Variants in SORCS3 observed in about 807,000 individuals in gnomAD.
SORCS3 encodes the protein VPS10 domain-containing receptor SorCS3.
In SORCS3, 57 loss-of-function variants were observed where a neutral mutation model predicts 146.3. That is an observed-to-expected ratio of 0.39 (90% CI 0.31 to 0.49). SORCS3 has a LOEUF of 0.49. SORCS3 is among the 20% of genes least tolerant of loss of function. SORCS3 has a pLI of 0.92. For synonymous variants in SORCS3, 653 were observed against 618.5 expected, an observed-to-expected ratio of 1.06 and a Z score of -0.83; for missense variants, 1,341 against 1,575.5, an observed-to-expected ratio of 0.85 and a Z score of 2.52.
intron 1 of SORCS3, among the ~76,000 whole-genome samples, chr10:104,661,450 G>T (rs1489917364): frequency 2.0e-5 from 3 of 152,076 alleles, no homozygotes; most frequent in Non-Finnish European, 4.4e-5. Flanking sequence ...CAAATTATCT[G>T]CTCCTTGACC....
chr10:104,963,063 T>C lies in SORCS3; in HGVS notation c.796-14272T>C, dbSNP rs542750858. ...GAATGGCTTTAGCTCACTTTAGTCA[T>C]TATCCTATCAAATATAGTCATTATT... On this transcript the variant is annotated intron_variant, in intron 3 of 26. Coordinates refer to ENST00000369701, the MANE Select transcript of SORCS3 (RefSeq NM_014978.3). Among the ~76,000 whole-genome samples the C allele has an allele frequency of 1.9e-3, 282 of 152,358 alleles. 2 individuals carry two copies. The highest frequency in any genetic ancestry group is 6.4e-3 in the African/African-American group (265 of 41,586).
intron 4 of SORCS3, among the ~76,000 whole-genome samples, chr10:104,979,712 T>A (rs967643099): frequency 2.6e-5 from 4 of 152,174 alleles, no homozygotes; most frequent in Non-Finnish European, 4.4e-5. Flanking sequence ...CACATGACAT[T>A]TGCAGAGGAA....
chr10:105,046,748 C>T (rs545545525), intron 5 of SORCS3, among the ~76,000 whole-genome samples: 1 of 152,062 alleles, frequency 6.6e-6, no homozygotes, highest in Non-Finnish European at 1.5e-5. Context: ...AGGAATCTTA[C>T]ACCGTGGAGT....
intron 1 of SORCS3, among the ~76,000 whole-genome samples, chr10:104,823,717 T>C (rs2017901901): frequency 6.6e-6 from 1 of 152,196 alleles, no homozygotes; most frequent in Admixed American, 6.5e-5. Context: ...GTTGGCAGAA[T>C]AGTGGCCTCC....
chr10:104,841,505 A>G (rs1456688620), intron 1 of SORCS3, among the ~76,000 whole-genome samples: 1 of 152,256 alleles, frequency 6.6e-6, no homozygotes, highest in African/African-American at 2.4e-5. Context: ...TTGGCACATA[A>G]TGGATCATAT....
At chr10:105,040,091 A>C (rs895811678) in intron 4 of SORCS3, among the ~76,000 whole-genome samples, 2 of 152,296 alleles carry the variant, frequency 1.3e-5, no homozygotes, top group South Asian at 4.1e-4. Context: ...ACATGTCTTA[A>C]GTCTAAGCAT....
At chr10:104,819,907 C>T (rs1342476275) in intron 1 of SORCS3, among the ~76,000 whole-genome samples, 1 of 152,176 alleles carries the variant, frequency 6.6e-6, no homozygotes, top group Non-Finnish European at 1.5e-5. Flanking sequence ...CAAGATTGCT[C>T]ATGCAGCTAT....
chr10:104,936,480 G>C lies in SORCS3; in HGVS notation c.795+20548G>C, dbSNP rs73342172. ...CTTGAGTGGCTGGGTAAATGAATGAGAGCTGGGGAACTGGGCATATTAACA... is the reference window on the plus strand; with the variant it reads ...CTTGAGTGGCTGGGTAAATGAATGACAGCTGGGGAACTGGGCATATTAACA... On this transcript the variant is annotated intron_variant, in intron 3 of 26. Coordinates refer to ENST00000369701, the MANE Select transcript of SORCS3 (RefSeq NM_014978.3). Among the ~76,000 whole-genome samples the C allele has an allele frequency of 3.9e-3, 591 of 152,302 alleles. 3 individuals carry two copies. The highest frequency in any genetic ancestry group is 0.014 in the African/African-American group (568 of 41,574).
intron 1 of SORCS3, among the ~76,000 whole-genome samples, chr10:104,838,578 CTT>C (rs2018100357): frequency 6.6e-6 from 1 of 152,156 alleles, no homozygotes; most frequent in Non-Finnish European, 1.5e-5. Context: ...AGTGTTTTGA[CTT>C]TTCCTCTGGG....
intron 13 of SORCS3, among the ~76,000 whole-genome samples, chr10:105,172,291 T>G (rs534012154): frequency 8.2e-4 from 125 of 152,342 alleles, no homozygotes; most frequent in African/African-American, 2.8e-3. Flanking sequence ...GTTCATTTAT[T>G]GCATACATAT....
At chr10:104,854,252 C>A (rs1589524270) in intron 2 of SORCS3, among the ~76,000 whole-genome samples, 1 of 152,246 alleles carries the variant, frequency 6.6e-6, no homozygotes, top group East Asian at 1.9e-4. Context: ...TAATGCCTCC[C>A]TCCCAACCCA....
intron 7 of SORCS3, among the ~76,000 whole-genome samples, chr10:105,108,346 T>C (rs559263855): frequency 1.5e-4 from 23 of 152,298 alleles, no homozygotes; most frequent in Non-Finnish European, 2.4e-4. Flanking sequence ...CAGCTGAGTG[T>C]ATCCATTGTA....
intron 1 of SORCS3, among the ~76,000 whole-genome samples, chr10:104,656,808 G>A (rs2015637337): frequency 6.6e-6 from 1 of 152,232 alleles, no homozygotes; most frequent in African/African-American, 2.4e-5. Context: ...AAGGATGAAT[G>A]CTAAGAGGAT....
intron 4 of SORCS3, among the ~76,000 whole-genome samples, chr10:105,039,446 G>T (rs1029095820): frequency 1.4e-5 from 2 of 145,198 alleles, no homozygotes; most frequent in Admixed American, 6.9e-5. Context: ...TGGCTCTCTC[G>T]CTCTCTTTTT....
In SORCS3 at chr10:104,944,578, T is replaced by C. The variant is rs148112024; in HGVS notation, c.795+28646T>C. ...AACAGACATTTCACCACAGAAGGTA[T>C]CTTAATGAGCAATAAACATTTGAAA... On this transcript the variant is annotated intron_variant, in intron 3 of 26. Transcript: ENST00000369701. 5.9e-4 allele frequency among the ~76,000 whole-genome samples: 90 copies of C among 152,300 alleles called. 1 individual carries two copies. The East Asian group carries it at 0.017, about 28-fold the overall frequency.
intron 1 of SORCS3, among the ~76,000 whole-genome samples, chr10:104,736,601 T>A (rs980887700): frequency 6.6e-6 from 1 of 152,212 alleles, no homozygotes; most frequent in Non-Finnish European, 1.5e-5. Flanking sequence ...ATTATAGTAA[T>A]TTTTTGCAGT....
At chr10:105,240,082 T>A (rs2056814176) in intron 20 of SORCS3, among the ~76,000 whole-genome samples, 1 of 152,208 alleles carries the variant, frequency 6.6e-6, no homozygotes, top group Admixed American at 6.5e-5. Flanking sequence ...ACATACTCTC[T>A]TACTTCAGAT....
chr10:105,044,090 T>G (rs2055354239), intron 5 of SORCS3, among the ~76,000 whole-genome samples: 2 of 152,108 alleles, frequency 1.3e-5, no homozygotes, highest in African/African-American at 4.8e-5. Context: ...AAGATTTGGT[T>G]AGGCACAGTG....
intron 5 of SORCS3, among the ~76,000 whole-genome samples, chr10:105,083,913 G>T (rs192188311): frequency 6.6e-6 from 1 of 152,306 alleles, no homozygotes; most frequent in Non-Finnish European, 1.5e-5. Context: ...AGATGGATGG[G>T]CACAAATCCC....
Sources: allele counts gnomAD v4.1 joint callset (sites outside exome capture counted in the v4.1 genomes callset), GRCh38; gene constraint gnomAD v4.1.1; transcripts MANE v1.5; gene names NCBI Gene and HGNC (gene_info 2026-07-23, HGNC 2026-07-21).